Variants in HS3ST4 observed in about 807,000 individuals in gnomAD.
HS3ST4 encodes the protein heparan sulfate glucosamine 3-O-sulfotransferase 4.
In HS3ST4, 17 loss-of-function variants were observed where a neutral mutation model predicts 29.2. That is an observed-to-expected ratio of 0.58 (90% confidence interval 0.40 to 0.87). HS3ST4 has a LOEUF of 0.87. Ranked by LOEUF, HS3ST4 falls within the 40% of genes least tolerant of loss-of-function variation. HS3ST4 has a pLI of 0.00. For synonymous variants in HS3ST4, 314 were observed against 285.7 expected, an observed-to-expected ratio of 1.10 and a Z score of -1.00; for missense variants, 627 against 634.5, an observed-to-expected ratio of 0.99 and a Z score of 0.13.
At chr16:26,118,355 G>A (rs1899226551) in intron 1 of HS3ST4, among the ~76,000 whole-genome samples, 1 of 152,136 alleles carries the variant, frequency 6.6e-6, no homozygotes, top group South Asian at 2.1e-4. Flanking sequence ...TCAAAGGGCT[G>A]GGATTACAGG....
chr16:26,027,724 G>T (rs1306358402), intron 1 of HS3ST4, among the ~76,000 whole-genome samples: 1 of 152,154 alleles, frequency 6.6e-6, no homozygotes, highest in African/African-American at 2.4e-5. Flanking sequence ...AATAATCACA[G>T]CAACTATACA....
At chr16:25,899,294 G>A (rs1296609580) in intron 1 of HS3ST4, among the ~76,000 whole-genome samples, 3 of 152,208 alleles carry the variant, frequency 2.0e-5, no homozygotes, top group Non-Finnish European at 4.4e-5. Flanking sequence ...AGTTGGTGCT[G>A]TATACTGAAG....
chr16:25,770,967 A>G (rs890816800), intron 1 of HS3ST4, among the ~76,000 whole-genome samples: 1 of 151,678 alleles, frequency 6.6e-6, no homozygotes, highest in Non-Finnish European at 1.5e-5. Flanking sequence ...GTCACTTATT[A>G]TGGTCCAACA....
chr16:25,737,520 T>A (rs1966617723), intron 1 of HS3ST4, among the ~76,000 whole-genome samples: 1 of 152,312 alleles, frequency 6.6e-6, no homozygotes, highest in East Asian at 1.9e-4. Context: ...TTTTCTCACT[T>A]ATAAGTGGGA....
chr16:25,774,533 C>G (rs1232369636), intron 1 of HS3ST4, among the ~76,000 whole-genome samples: 1 of 152,172 alleles, frequency 6.6e-6, no homozygotes, highest in African/African-American at 2.4e-5. Flanking sequence ...ACTGCCTGAG[C>G]TTTAATTCAG....
intron 1 of HS3ST4, among the ~76,000 whole-genome samples, chr16:26,112,079 G>A (rs1899139000): frequency 6.6e-6 from 1 of 151,732 alleles, no homozygotes. Flanking sequence ...TCTTGCCCCA[G>A]TAGATGGTGC....
chr16:25,788,497 ATCT>A (rs756869606), intron 1 of HS3ST4, among the ~76,000 whole-genome samples: 1 of 145,852 alleles, frequency 6.9e-6, no homozygotes, highest in Non-Finnish European at 1.5e-5. Context: ...TGTTATCATT[ATCT>A]TCTTCTTCTC....
chr16:26,048,269 T>G (rs1486836231), intron 1 of HS3ST4, among the ~76,000 whole-genome samples: 1 of 152,164 alleles, frequency 6.6e-6, no homozygotes, highest in African/African-American at 2.4e-5. Flanking sequence ...AGGAACAAAC[T>G]TCAACAAATG....
chr16:26,037,312 G>A (rs948753273), intron 1 of HS3ST4, among the ~76,000 whole-genome samples: 5 of 152,204 alleles, frequency 3.3e-5, no homozygotes, highest in African/African-American at 9.6e-5. Context: ...TGCTTGCAGA[G>A]ACTCCAGACT....
intron 1 of HS3ST4, among the ~76,000 whole-genome samples, chr16:25,943,689 A>G (rs1968597002): frequency 6.6e-6 from 1 of 152,200 alleles, no homozygotes. Context: ...CTGTTATCAA[A>G]TTCTGATGTA....
intron 1 of HS3ST4, among the ~76,000 whole-genome samples, chr16:25,767,365 A>G (rs1203810302): frequency 2.6e-5 from 4 of 152,070 alleles, no homozygotes; most frequent in Non-Finnish European, 5.9e-5. Context: ...CAGATGTGTC[A>G]AATTAGTGAA....
intron 1 of HS3ST4, among the ~76,000 whole-genome samples, chr16:25,787,978 A>G (rs796715323): frequency 4.6e-5 from 7 of 152,330 alleles, no homozygotes; most frequent in African/African-American, 1.7e-4. Flanking sequence ...TAAAGCTGGA[A>G]GTGGCCTTGG....
At chr16:25,896,124 C>T (rs1968061517) in intron 1 of HS3ST4, among the ~76,000 whole-genome samples, 2 of 152,146 alleles carry the variant, frequency 1.3e-5, no homozygotes, top group African/African-American at 4.8e-5. Context: ...AAAGCCATGT[C>T]CCCTGACTCC....
chr16:26,037,010 A>C (rs545361077), intron 1 of HS3ST4, among the ~76,000 whole-genome samples: 39 of 152,318 alleles, frequency 2.6e-4, no homozygotes, highest in East Asian at 1.5e-3. Context: ...CAACCCCTCC[A>C]TGACTTAAAT....
intron 1 of HS3ST4, among the ~76,000 whole-genome samples, chr16:26,094,588 C>G (rs1162090112): frequency 6.6e-6 from 1 of 152,182 alleles, no homozygotes; most frequent in Non-Finnish European, 1.5e-5. Context: ...ACCACCAGGC[C>G]TGCTTTACAA....
At chr16:25,982,377 C>A (rs1399421088) in intron 1 of HS3ST4, among the ~76,000 whole-genome samples, 1 of 152,204 alleles carries the variant, frequency 6.6e-6, no homozygotes, top group Non-Finnish European at 1.5e-5. Flanking sequence ...AGTCAGTGCA[C>A]CATCTGGCAA....
At chr16:25,901,187 T>A (rs1358463846) in intron 1 of HS3ST4, among the ~76,000 whole-genome samples, 1 of 152,192 alleles carries the variant, frequency 6.6e-6, no homozygotes, top group Non-Finnish European at 1.5e-5. Flanking sequence ...CCCTTGCCCC[T>A]GAGTACTTTT....
chr16:26,102,125 G>C (rs1264028504), intron 1 of HS3ST4, among the ~76,000 whole-genome samples: 1 of 151,990 alleles, frequency 6.6e-6, no homozygotes, highest in East Asian at 1.9e-4. Flanking sequence ...TTGATTTACA[G>C]ATACAGAAAG....
intron 1 of HS3ST4, among the ~76,000 whole-genome samples, chr16:25,718,580 C>T (rs1966473549): frequency 6.6e-6 from 1 of 152,148 alleles, no homozygotes; most frequent in Non-Finnish European, 1.5e-5. Context: ...TCAAGACTAA[C>T]TCTATCCAAG....
Sources: allele counts gnomAD v4.1 joint callset (sites outside exome capture counted in the v4.1 genomes callset), GRCh38; gene constraint gnomAD v4.1.1; transcripts MANE v1.5; gene names NCBI Gene and HGNC (gene_info 2026-07-23, HGNC 2026-07-21).